PCDHA3: variants seen among roughly 807,000 people sequenced by gnomAD.
The protein encoded by PCDHA3 is protocadherin alpha-3.
Under a neutral mutation model 62.2 loss-of-function variants are expected in PCDHA3, and 41 were observed. The ratio of observed to expected loss-of-function variants is 0.66; its 90% CI spans 0.51 to 0.86. The LOEUF (loss-of-function observed/expected upper bound fraction) is 0.86. Among genes scored for constraint, PCDHA3 ranks in the 40% least tolerant of loss-of-function variants. The pLI is 0.00. For synonymous variants in PCDHA3, 640 were observed against 555.4 expected (o/e 1.15, Z -2.14); for missense variants, 1,304 against 1,241.2 (o/e 1.05, Z -0.76).
intron 1 of PCDHA3, chr5:140,927,270 C>G: frequency 6.2e-7 from 1 of 1,614,150 alleles, no homozygotes; most frequent in Non-Finnish European, 8.5e-7. Context: ...TCTTTCCTGC[C>G]GGCGACGTGC....
At chr5:140,860,772 C>G (rs1554153719) in intron 1 of PCDHA3, 1 of 152,248 alleles carries the variant, frequency 6.6e-6, no homozygotes, top group African/African-American at 2.4e-5. Context: ...GAGTCTCGCT[C>G]TGTTGCCCAG....
At chr5:140,969,180 C>T in intron 1 of PCDHA3, 1 of 1,614,110 alleles carries the variant, frequency 6.2e-7, no homozygotes, top group Non-Finnish European at 8.5e-7. Context: ...GGGAGTGACA[C>T]TTTCATGTTT....
intron 1 of PCDHA3, among the ~76,000 whole-genome samples, chr5:140,940,750 G>A (rs1274521070): frequency 2.6e-5 from 4 of 152,136 alleles, no homozygotes; most frequent in Non-Finnish European, 5.9e-5. Context: ...TTTTATGTGT[G>A]CCAACTTTTA....
chr5:140,952,841 C>T (rs2094805193), intron 1 of PCDHA3, among the ~76,000 whole-genome samples: 1 of 152,102 alleles, frequency 6.6e-6, no homozygotes, highest in South Asian at 2.1e-4. Context: ...TGGCCATCTG[C>T]TTGTCTTCTG....
chr5:140,807,523 G>A, intron 1 of PCDHA3: 1 of 1,614,104 alleles, frequency 6.2e-7, no homozygotes, highest in South Asian at 1.1e-5. Context: ...TCGTAGACAG[G>A]CCGCTGCAGG....
intron 1 of PCDHA3, chr5:140,813,712 C>T (rs1224457042): frequency 2.0e-5 from 3 of 152,218 alleles, no homozygotes; most frequent in Non-Finnish European, 4.4e-5. Context: ...TTTCTTTTTA[C>T]AGGCTGGTCA....
At position 140,877,685 on chromosome 5, in the gene PCDHA3, C is replaced by T. The variant is rs377753884; in HGVS notation, c.2394+74094C>T. On this transcript the variant is annotated intron_variant, in intron 1 of 3. Transcript: ENST00000522353. Reference sequence around the variant, plus strand: ...AGCCGGTGCGCGCCGGGCAAGCCCACGCTGGTGTGCTCCAGCGCCGTGGGG... The same window carrying T: ...AGCCGGTGCGCGCCGGGCAAGCCCATGCTGGTGTGCTCCAGCGCCGTGGGG... 3.4e-5 allele frequency: 55 copies of T among 1,613,628 alleles called. No homozygotes were observed. Among genetic ancestry groups the T allele is most frequent in the Non-Finnish European group, 4.6e-5 (54 of 1,179,904 alleles).
chr5:140,876,847 G>T, intron 1 of PCDHA3: 1 of 1,614,140 alleles, frequency 6.2e-7, no homozygotes, highest in Non-Finnish European at 8.5e-7. Context: ...CGCGCAGCCC[G>T]AGTACACAGT....
At chr5:140,886,638 C>T (rs1282922977) in intron 1 of PCDHA3, among the ~76,000 whole-genome samples, 4 of 151,738 alleles carry the variant, frequency 2.6e-5, no homozygotes, top group South Asian at 2.1e-4. Flanking sequence ...CCAGCCTGGC[C>T]AACATGGTGA....
chr5:140,829,627 G>C, intron 1 of PCDHA3: 1 of 1,612,248 alleles, frequency 6.2e-7, no homozygotes, highest in Non-Finnish European at 8.5e-7. Context: ...CGGTGCACGC[G>C]GAGAGCGGCA....
intron 3 of PCDHA3, among the ~76,000 whole-genome samples, chr5:140,988,416 A>G (rs1462025901): frequency 6.6e-6 from 1 of 152,118 alleles, no homozygotes; most frequent in Non-Finnish European, 1.5e-5. Flanking sequence ...AGCTTATGTA[A>G]AGAATTTGTT....
intron 1 of PCDHA3, chr5:140,817,705 T>G (rs2150098815): frequency 3.3e-5 from 5 of 152,226 alleles, no homozygotes; most frequent in African/African-American, 4.8e-5. Context: ...TTATTATCAT[T>G]GTTTTGTTAA....
At chr5:140,855,628 C>T (rs1199061647) in intron 1 of PCDHA3, among the ~76,000 whole-genome samples, 1 of 149,588 alleles carries the variant, frequency 6.7e-6, no homozygotes, top group Non-Finnish European at 1.5e-5. Flanking sequence ...TTTTGAAATT[C>T]GGCTATTGAT....
chr5:140,850,260 G>A lies in PCDHA3; in HGVS notation c.2394+46669G>A, dbSNP rs371305325. ...GGTGCTGCGGTCGGTGGGCGCCGGC[G>A]TAGTGGTGGGGAAGGTGCGCGCAGT... On this transcript the variant is annotated intron_variant, in intron 1 of 3. Coordinates refer to ENST00000522353, the MANE Select transcript of PCDHA3 (RefSeq NM_018906.3). 17 of 1,594,256 alleles carry A rather than the reference G, an allele frequency of 1.1e-5. 2 individuals are homozygous for A. The highest frequency in any genetic ancestry group is 4.0e-5 in the African/African-American group (3 of 74,174).
rs781793178 is a variant in PCDHA3 at position 140,857,329 on chromosome 5, G to A, written c.2394+53738G>A. ...CCTATGAGCTGGTGGTGACCGCGCGGGACGGGGGCTCGCCTCCGCTGTGGG... is the reference window on the plus strand; with the variant it reads ...CCTATGAGCTGGTGGTGACCGCGCGAGACGGGGGCTCGCCTCCGCTGTGGG... On this transcript the variant is annotated intron_variant, in intron 1 of 3. Coordinates refer to ENST00000522353, the MANE Select transcript of PCDHA3 (RefSeq NM_018906.3). 1.7e-5 allele frequency: 27 copies of A among 1,598,568 alleles called. 1 individual carries two copies. In the South Asian group the frequency reaches 2.9e-4, roughly 17 times the overall value.
chr5:140,828,245 C>G lies in PCDHA3; in HGVS notation c.2394+24654C>G, dbSNP rs1354249187. On this transcript the variant is annotated intron_variant, in intron 1 of 3. Coordinates refer to ENST00000522353, the MANE Select transcript of PCDHA3 (RefSeq NM_018906.3). Reference sequence around the variant, plus strand: ...CTTCGTGGGCCGGATCGCGCAGGACCTGGGGCTGGAGCTGGCGGAGCTGGT... The same window carrying G: ...CTTCGTGGGCCGGATCGCGCAGGACGTGGGGCTGGAGCTGGCGGAGCTGGT... 59 of 1,613,838 alleles carry G rather than the reference C, an allele frequency of 3.7e-5. No individual in the cohort carries two copies. The highest frequency in any genetic ancestry group is 4.7e-5 in the Non-Finnish European group (55 of 1,180,056).
intron 1 of PCDHA3, among the ~76,000 whole-genome samples, chr5:140,832,719 AG>A (rs1433818410): frequency 2.0e-5 from 3 of 152,224 alleles, no homozygotes; most frequent in African/African-American, 7.2e-5. Flanking sequence ...AGATAAATAA[AG>A]GTAAGTATCC....
intron 1 of PCDHA3, chr5:140,884,170 G>A (rs1333457358): frequency 1.4e-5 from 23 of 1,613,294 alleles, no homozygotes; most frequent in Non-Finnish European, 1.9e-5. Flanking sequence ...TCAGCACGAC[G>A]CGCCCTCTGG....
intron 1 of PCDHA3, chr5:140,825,743 A>G (rs1292494101): frequency 1.3e-5 from 2 of 152,438 alleles, no homozygotes; most frequent in Non-Finnish European, 1.5e-5. Context: ...ATTGATGAGG[A>G]GTAACTGTGA....
Sources: allele counts gnomAD v4.1 joint callset (sites outside exome capture counted in the v4.1 genomes callset), GRCh38; gene constraint gnomAD v4.1.1; transcripts MANE v1.5; gene names NCBI Gene and HGNC (gene_info 2026-07-23, HGNC 2026-07-21).